The following DLG2 variants were observed in gnomAD, a reference collection of about 807,000 sequenced individuals.
The protein encoded by DLG2 is disks large homolog 2.
In DLG2, 45 loss-of-function variants were observed where a neutral mutation model predicts 132.5. The ratio of observed to expected loss-of-function variants is 0.34; its 90% confidence interval spans 0.27 to 0.44. DLG2 has a LOEUF of 0.44. DLG2 is among the 20% of genes least tolerant of loss of function. DLG2 has a pLI of 1.00. For synonymous variants in DLG2, 424 were observed against 419.6 expected (o/e 1.01, Z -0.13); for missense variants, 1,045 against 1,196.9 (o/e 0.87, Z 1.87).
At chr11:83,682,128 C>T (rs958545182) in intron 18 of DLG2, 1 of 985,248 alleles carries the variant, frequency 1.0e-6, no homozygotes, top group Non-Finnish European at 1.2e-6. Context: ...TATTCAACAA[C>T]AACGATTAGC....
intron 10 of DLG2, among the ~76,000 whole-genome samples, chr11:84,084,089 C>T (rs530071016): frequency 1.1e-3 from 168 of 151,844 alleles, no homozygotes; most frequent in Non-Finnish European, 1.9e-3. Context: ...ACAGTGCCAG[C>T]TTTATGAATA....
intron 3 of DLG2, among the ~76,000 whole-genome samples, chr11:85,356,776 G>GTAGA (rs58735940): frequency 0.035 from 5,132 of 147,342 alleles, 99 homozygotes; most frequent in Admixed American, 0.046. Flanking sequence ...CAGTAGGTAA[G>GTAGA]TAGATAGATA....
chr11:83,728,515 C>A (rs1267873116), intron 18 of DLG2, among the ~76,000 whole-genome samples: 1 of 152,216 alleles, frequency 6.6e-6, no homozygotes, highest in Non-Finnish European at 1.5e-5. Flanking sequence ...ACCCACTATT[C>A]CCATAGCATT....
chr11:85,307,251 G>T (rs1429565066), intron 3 of DLG2, among the ~76,000 whole-genome samples: 1 of 151,762 alleles, frequency 6.6e-6, no homozygotes, highest in African/African-American at 2.4e-5. Flanking sequence ...GAAAACTGGA[G>T]GAAAAATTAA....
chr11:85,096,207 A>C (rs1220403545), intron 6 of DLG2, among the ~76,000 whole-genome samples: 3 of 152,174 alleles, frequency 2.0e-5, no homozygotes, highest in Admixed American at 2.0e-4. Flanking sequence ...AAAGCTGGCC[A>C]CCCGCGCCAG....
chr11:83,919,323 C>A (rs1395525738), intron 15 of DLG2, among the ~76,000 whole-genome samples: 1 of 152,206 alleles, frequency 6.6e-6, no homozygotes, highest in South Asian at 2.1e-4. Flanking sequence ...AGTAACTGGT[C>A]AGATAGAAAG....
chr11:83,690,835 A>G (rs2080864003), intron 18 of DLG2, among the ~76,000 whole-genome samples: 1 of 152,216 alleles, frequency 6.6e-6, no homozygotes, highest in Non-Finnish European at 1.5e-5. Context: ...AAACTTTTAT[A>G]TAAAAGTTAC....
At chr11:85,026,590 C>CA (rs1419503355) in intron 6 of DLG2, among the ~76,000 whole-genome samples, 1 of 152,092 alleles carries the variant, frequency 6.6e-6, no homozygotes, top group African/African-American at 2.4e-5. Context: ...ATAATCCCAG[C>CA]ACTTTAGGAG....
At chr11:84,157,731 T>C (rs766837985) in intron 9 of DLG2, among the ~76,000 whole-genome samples, 1 of 152,238 alleles carries the variant, frequency 6.6e-6, no homozygotes, top group South Asian at 2.1e-4. Flanking sequence ...TGCATTTACT[T>C]CTGTGTCCTC....
chr11:84,367,876 A>G (rs2098690512), intron 7 of DLG2, among the ~76,000 whole-genome samples: 1 of 152,166 alleles, frequency 6.6e-6, no homozygotes. Flanking sequence ...AAATGGACTA[A>G]GACACTGTGT....
intron 9 of DLG2, 122 bp downstream of exon 9, chr11:84,163,339 C>G: frequency 1.2e-6 from 1 of 803,954 alleles, no homozygotes; most frequent in Non-Finnish European, 1.9e-6. Flanking sequence ...CATTGTGAGT[C>G]CTGTGGGAAA....
chr11:85,308,010 C>T (rs939464821), intron 3 of DLG2, among the ~76,000 whole-genome samples: 1 of 151,886 alleles, frequency 6.6e-6, no homozygotes, highest in African/African-American at 2.4e-5. Flanking sequence ...CAAAAATTAG[C>T]TGGGTGTGGT....
intron 14 of DLG2, among the ~76,000 whole-genome samples, chr11:83,956,857 A>C (rs945953762): frequency 1.3e-5 from 2 of 152,224 alleles, no homozygotes; most frequent in African/African-American, 2.4e-5. Context: ...GACAGTTTAT[A>C]TAAAACACAA....
At chr11:85,077,266 C>T (rs1024858872) in intron 6 of DLG2, among the ~76,000 whole-genome samples, 1 of 151,920 alleles carries the variant, frequency 6.6e-6, no homozygotes, top group African/African-American at 2.4e-5. Context: ...AAAAAGAACA[C>T]CTGCGTTAAG....
At chr11:83,880,616 G>A (rs1426850970) in intron 15 of DLG2, among the ~76,000 whole-genome samples, 1 of 152,166 alleles carries the variant, frequency 6.6e-6, no homozygotes, top group Non-Finnish European at 1.5e-5. Context: ...TTAGGATTGG[G>A]GGAGGTGAGG....
intron 21 of DLG2, among the ~76,000 whole-genome samples, chr11:83,498,612 A>G (rs2094277779): frequency 6.6e-6 from 1 of 151,896 alleles, no homozygotes; most frequent in South Asian, 2.1e-4. Flanking sequence ...ATCCAAAGGA[A>G]TAATCTAATC....
intron 3 of DLG2, among the ~76,000 whole-genome samples, chr11:85,300,080 G>A (rs1254187217): frequency 1.3e-5 from 2 of 152,054 alleles, no homozygotes; most frequent in Non-Finnish European, 2.9e-5. Context: ...TTGACTGTGT[G>A]CCTTGTACTG....
At chr11:84,062,434 A>G (rs2096605814) in intron 10 of DLG2, among the ~76,000 whole-genome samples, 1 of 152,196 alleles carries the variant, frequency 6.6e-6, no homozygotes, top group Non-Finnish European at 1.5e-5. Flanking sequence ...AACCTACCAT[A>G]GATCTGAAAG....
At chr11:85,049,884 A>G (rs1593242279) in intron 6 of DLG2, among the ~76,000 whole-genome samples, 3 of 152,088 alleles carry the variant, frequency 2.0e-5, no homozygotes, top group Admixed American at 6.6e-5. Flanking sequence ...ATCAAAACAA[A>G]AAGTCATTAA....
Sources: gnomAD v4.1 joint callset for allele counts (sites outside exome capture counted in the v4.1 genomes callset) on GRCh38, gnomAD v4.1.1 for gene constraint, MANE v1.5 for transcripts, NCBI Gene and HGNC (gene_info 2026-07-23, HGNC 2026-07-21) for gene names.